Variants in PRKG1 observed in about 807,000 individuals in gnomAD.
PRKG1 encodes cGMP-dependent protein kinase 1.
In PRKG1, 35 loss-of-function variants were observed where a neutral mutation model predicts 88.1. The observed-to-expected ratio is 0.40, with a 90% CI of 0.30 to 0.53. PRKG1 has a LOEUF of 0.53. Ranked by LOEUF, PRKG1 falls within the 20% of genes least tolerant of loss-of-function variation. The probability of loss-of-function intolerance (pLI) is 0.59; values close to 1 mark genes in which losing one functional copy is unlikely to be tolerated. For missense variants in PRKG1, 540 were observed against 839.8 expected (o/e 0.64, Z 4.41); for synonymous variants, 303 against 292.5 (o/e 1.04, Z -0.37).
chr10:51,587,640 C>A (rs1838206062), intron 3 of PRKG1, among the ~76,000 whole-genome samples: 1 of 152,142 alleles, frequency 6.6e-6, no homozygotes, highest in African/African-American at 2.4e-5. Flanking sequence ...CTCTCTAGAG[C>A]AAATGTACAC....
At chr10:51,008,179 A>G (rs1043263513) in intron 1 of PRKG1, among the ~76,000 whole-genome samples, 2 of 152,168 alleles carry the variant, frequency 1.3e-5, no homozygotes, top group African/African-American at 4.8e-5. Flanking sequence ...CTTGGGTTCC[A>G]TTTGTTGCAG....
intron 3 of PRKG1, among the ~76,000 whole-genome samples, chr10:51,595,646 T>C (rs917334269): frequency 6.6e-6 from 1 of 150,790 alleles, no homozygotes; most frequent in Non-Finnish European, 1.5e-5. Flanking sequence ...AATAAATAAA[T>C]AAATAAATAA....
At chr10:51,169,817 T>C (rs939574111) in intron 2 of PRKG1, among the ~76,000 whole-genome samples, 1 of 152,124 alleles carries the variant, frequency 6.6e-6, no homozygotes, top group Non-Finnish European at 1.5e-5. Flanking sequence ...TCACATAATA[T>C]ATGTCAAGCA....
At chr10:51,126,168 T>G (rs1335930849) in intron 1 of PRKG1, among the ~76,000 whole-genome samples, 1 of 120,868 alleles carries the variant, frequency 8.3e-6, no homozygotes, top group Non-Finnish European at 1.6e-5. Flanking sequence ...TTATATGTAA[T>G]TATTTATATA....
intron 4 of PRKG1, among the ~76,000 whole-genome samples, chr10:51,888,196 A>T (rs1156392967): frequency 6.6e-6 from 1 of 152,202 alleles, no homozygotes; most frequent in Non-Finnish European, 1.5e-5. Context: ...TTGTGCATCG[A>T]TTATATCTCA....
At position 51,886,328 on chromosome 10, in the gene PRKG1, G is replaced by GT. The variant is rs577234232; in HGVS notation, c.699-21170dup. 2.3e-4 allele frequency among the ~76,000 whole-genome samples: 35 copies of GT among 151,398 alleles called. 1 individual carries two copies. In the South Asian group the frequency reaches 6.3e-3, roughly 27 times the overall value. On this transcript the variant is annotated intron_variant, in intron 4 of 17. Coordinates refer to ENST00000373980, the MANE Select transcript of PRKG1 (RefSeq NM_006258.4). ...TTTCTATTACAAGCTGTAGTTTTGG[G>GT]TTTTTTTTTAAACATCATCATTGGC...
At chr10:51,249,101 C>T (rs1008721100) in intron 2 of PRKG1, among the ~76,000 whole-genome samples, 27 of 151,312 alleles carry the variant, frequency 1.8e-4, no homozygotes, top group African/African-American at 5.3e-4. Flanking sequence ...TTTTAAGAGG[C>T]GAGGAAGACA....
intron 1 of PRKG1, among the ~76,000 whole-genome samples, chr10:51,003,025 A>C (rs927608056): frequency 6.6e-6 from 1 of 152,194 alleles, no homozygotes; most frequent in African/African-American, 2.4e-5. Context: ...GAGGTTATCA[A>C]TGTATAGAAA....
intron 5 of PRKG1, among the ~76,000 whole-genome samples, chr10:52,052,965 C>A (rs1036610688): frequency 6.6e-6 from 1 of 152,106 alleles, no homozygotes; most frequent in Non-Finnish European, 1.5e-5. Flanking sequence ...GAAAGTGGAC[C>A]ACTGCCATTT....
intron 4 of PRKG1, among the ~76,000 whole-genome samples, chr10:51,839,010 T>G (rs1834456880): frequency 6.6e-6 from 1 of 152,172 alleles, no homozygotes; most frequent in African/African-American, 2.4e-5. Flanking sequence ...CTGACTGTAA[T>G]AAGAGCATTC....
chr10:52,017,946 C>A (rs1240476497), intron 5 of PRKG1, among the ~76,000 whole-genome samples: 1 of 152,052 alleles, frequency 6.6e-6, no homozygotes, highest in Non-Finnish European at 1.5e-5. Context: ...TTTGAACAAC[C>A]CTATAAACTA....
chr10:51,470,683 A>C (rs10997680), intron 3 of PRKG1, among the ~76,000 whole-genome samples: 1 of 151,624 alleles, frequency 6.6e-6, no homozygotes, highest in African/African-American at 2.4e-5. Context: ...CAGTGACTTC[A>C]TCAGCTAATG....
chr10:52,260,018 C>A (rs541531885), intron 10 of PRKG1, among the ~76,000 whole-genome samples: 1 of 151,870 alleles, frequency 6.6e-6, no homozygotes, highest in African/African-American at 2.4e-5. Context: ...CTGAAAATGT[C>A]TTTATTTTGC....
rs189151937 is a variant in PRKG1, at chr10:51,276,038, A to G, written c.478+122708A>G. On this transcript the variant is annotated intron_variant, in intron 2 of 17. Coordinates refer to ENST00000373980, the MANE Select transcript of PRKG1 (RefSeq NM_006258.4). ...GTGCAGGTTTGTTACATATGTATAC[A>G]TGTGCCATGTTGGTGTGCTGCACCC... Among the ~76,000 whole-genome samples the G allele has an allele frequency of 3.3e-5, 5 of 151,944 alleles. No homozygotes were observed. In the East Asian group the frequency reaches 9.7e-4, roughly 29 times the overall value.
At chr10:51,006,963 G>A (rs1367098518) in intron 1 of PRKG1, among the ~76,000 whole-genome samples, 2 of 143,904 alleles carry the variant, frequency 1.4e-5, no homozygotes, top group Non-Finnish European at 3.0e-5. Flanking sequence ...TTTTGAGATG[G>A]CGTCTTGTTT....
intron 4 of PRKG1, among the ~76,000 whole-genome samples, chr10:51,885,305 C>A (rs1203194164): frequency 6.6e-6 from 1 of 152,122 alleles, no homozygotes; most frequent in Non-Finnish European, 1.5e-5. Flanking sequence ...AAAGTGGAGC[C>A]AAGGGGATTG....
At chr10:51,747,272 G>T (rs1401541433) in intron 3 of PRKG1, among the ~76,000 whole-genome samples, 1 of 152,080 alleles carries the variant, frequency 6.6e-6, no homozygotes, top group African/African-American at 2.4e-5. Flanking sequence ...GTGAAAAAAG[G>T]TGCACTTCTT....
chr10:51,878,835 T>C (rs1308611815), intron 4 of PRKG1, among the ~76,000 whole-genome samples: 2 of 152,114 alleles, frequency 1.3e-5, no homozygotes, highest in Non-Finnish European at 2.9e-5. Flanking sequence ...CAAAGAGAAA[T>C]CAACATACAG....
chr10:51,789,745 T>C (rs1838818864), intron 3 of PRKG1, among the ~76,000 whole-genome samples: 1 of 152,162 alleles, frequency 6.6e-6, no homozygotes, highest in South Asian at 2.1e-4. Flanking sequence ...AGATGATACA[T>C]TTCTTGCCTT....
Sources: allele counts gnomAD v4.1 joint callset (sites outside exome capture counted in the v4.1 genomes callset), GRCh38; gene constraint gnomAD v4.1.1; transcripts MANE v1.5; gene names NCBI Gene and HGNC (gene_info 2026-07-23, HGNC 2026-07-21).